The following HS1BP3 variants were observed in gnomAD, a reference collection of about 807,000 sequenced individuals.
HS1BP3 encodes HCLS1-binding protein 3.
Under a neutral mutation model 33.5 loss-of-function variants are expected in HS1BP3, and 32 were observed. The ratio of observed to expected loss-of-function variants is 0.95; its 90% CI spans 0.72 to 1.28. HS1BP3 has a LOEUF of 1.28. Ranked by LOEUF, HS1BP3 falls within the 50% of genes most tolerant of loss-of-function variation. The pLI, the probability that HS1BP3 is intolerant of heterozygous loss-of-function variation, is 0.00. For missense variants in HS1BP3, 486 were observed against 502.3 expected (o/e 0.97, Z 0.31); for synonymous variants, 187 against 209.2 (o/e 0.89, Z 0.92).
rs1286097161 is a variant in HS1BP3, at chr2:20,618,071, A to C, written c.*916T>G. ...AGAATCATGCCCCACTGGCAGTGGG[A>C]GGCGGTGCAGGCTGGGAGCCCTGCC... On this transcript the variant is annotated 3_prime_UTR_variant, in exon 7 of 7. Coordinates refer to ENST00000304031, the MANE Select transcript of HS1BP3 (RefSeq NM_022460.4). 2.0e-5 allele frequency: 3 copies of C among 152,376 alleles called. No individual in the cohort carries two copies. Among genetic ancestry groups the C allele is most frequent in the Non-Finnish European group, 4.4e-5 (3 of 68,090 alleles). The allele number at this position is 152,376 out of a possible 1,614,324, so 9.4% of individuals were successfully genotyped here.
At chr2:20,582,126 C>T (rs974595082) in intron 5 of HS1BP3, among the ~76,000 whole-genome samples, 30 of 152,212 alleles carry the variant, frequency 2.0e-4, no homozygotes, top group Admixed American at 4.6e-4. Context: ...AATAAGTCAC[C>T]GGTGCCCCCA....
At chr2:20,557,372 C>A (rs572990634), downstream of HS1BP3, among the ~76,000 whole-genome samples, 3 of 152,190 alleles carry the variant, frequency 2.0e-5, no homozygotes, top group Non-Finnish European at 4.4e-5. Flanking sequence ...ATGATGACGG[C>A]TGGGCCTCCT....
chr2:20,572,589 G>A (rs1339174603), intron 5 of HS1BP3, among the ~76,000 whole-genome samples: 1 of 151,918 alleles, frequency 6.6e-6, no homozygotes, highest in Non-Finnish European at 1.5e-5. Context: ...TTGAGCCTCA[G>A]TATCCTTATC....
intron 2 of HS1BP3, among the ~76,000 whole-genome samples, chr2:20,604,083 G>A (rs1409941276): frequency 6.6e-6 from 1 of 152,144 alleles, no homozygotes; most frequent in East Asian, 1.9e-4. Flanking sequence ...TTCCCTTTTT[G>A]GAAATTAACA....
At chr2:20,624,380 C>T (rs1350228174) in intron 5 of HS1BP3, among the ~76,000 whole-genome samples, 1 of 152,102 alleles carries the variant, frequency 6.6e-6, no homozygotes, top group Non-Finnish European at 1.5e-5. Context: ...GGAAAGGGAC[C>T]AAGGGATGAG....
chr2:20,574,444 A>T (rs577882345), intron 5 of HS1BP3, among the ~76,000 whole-genome samples: 7 of 152,344 alleles, frequency 4.6e-5, no homozygotes, highest in African/African-American at 9.6e-5. Flanking sequence ...CAAGTGTCTT[A>T]TCCATGGCTG....
downstream of HS1BP3, among the ~76,000 whole-genome samples, chr2:20,615,708 C>G (rs567597290): frequency 5.9e-5 from 9 of 152,176 alleles, no homozygotes; most frequent in South Asian, 2.1e-4. Flanking sequence ...AGCCTGACAC[C>G]GGGTATTAAA....
At chr2:20,577,022 G>GA (rs1338823352) in intron 5 of HS1BP3, among the ~76,000 whole-genome samples, 1 of 152,162 alleles carries the variant, frequency 6.6e-6, no homozygotes, top group Non-Finnish European at 1.5e-5. Context: ...ATTTACCTGG[G>GA]AAGAGTATTT....
At chr2:20,623,735 C>T (rs1306271577) in intron 6 of HS1BP3, 161 bp downstream of exon 6, 3 of 762,636 alleles carry the variant, frequency 3.9e-6, no homozygotes, top group Non-Finnish European at 3.9e-6. Context: ...GCCCCCTTCA[C>T]CGCCTCTCAC....
intron 2 of HS1BP3, among the ~76,000 whole-genome samples, chr2:20,600,263 T>C (rs1006236742): frequency 1.3e-5 from 2 of 152,164 alleles, no homozygotes; most frequent in African/African-American, 2.4e-5. Context: ...CCAATCACTA[T>C]GACAACAGCT....
rs568361887 is a variant in HS1BP3 at position 20,567,967 on chromosome 2, T to C, written c.303-7452A>G. On this transcript the variant is annotated intron_variant, in intron 5 of 5. Coordinates refer to the HS1BP3 transcript ENST00000446825. ...CTCTGGAGGTCATTTGAACAGTCAGTCCCCTAGGAGGGCAGCTCCAGCCCC... is the reference window on the plus strand; with the variant it reads ...CTCTGGAGGTCATTTGAACAGTCAGCCCCCTAGGAGGGCAGCTCCAGCCCC... Among the ~76,000 whole-genome samples, 46 of 152,156 alleles carry C rather than the reference T, an allele frequency of 3.0e-4. No individual in the cohort carries two copies. The East Asian group carries it at 7.7e-3, about 26-fold the overall frequency.
At chr2:20,596,880 C>G (rs1258490869) in intron 3 of HS1BP3, among the ~76,000 whole-genome samples, 2 of 152,188 alleles carry the variant, frequency 1.3e-5, no homozygotes, top group African/African-American at 2.4e-5. Flanking sequence ...CATAGGTACC[C>G]CATCAGAATC....
intron 2 of HS1BP3, among the ~76,000 whole-genome samples, chr2:20,603,627 C>G (rs1222677922): frequency 6.6e-6 from 1 of 152,146 alleles, no homozygotes; most frequent in African/African-American, 2.4e-5. Context: ...TATAGAGTTT[C>G]TTTTAGAAGT....
At chr2:20,603,233 T>C (rs998563805) in intron 2 of HS1BP3, among the ~76,000 whole-genome samples, 2 of 152,198 alleles carry the variant, frequency 1.3e-5, no homozygotes, top group Non-Finnish European at 2.9e-5. Context: ...TAGGTATATG[T>C]CCAAGAGAAA....
intron 3 of HS1BP3, chr2:20,640,132 G>A (rs1293336927): frequency 6.6e-6 from 1 of 152,310 alleles, no homozygotes; most frequent in African/African-American, 2.4e-5. Context: ...AAGGAGTTAA[G>A]CAGACGGATG....
chr2:20,585,139 C>T (rs62124225), intron 5 of HS1BP3, among the ~76,000 whole-genome samples: 11,830 of 152,132 alleles, frequency 0.078, 637 homozygotes, highest in African/African-American at 0.15. Context: ...CTGAGGAGCT[C>T]AGCCCCTCCT....
At chr2:20,623,782 C>T in intron 6 of HS1BP3, 114 bp downstream of exon 6, 1 of 1,253,718 alleles carries the variant, frequency 8.0e-7, no homozygotes, top group Non-Finnish European at 1.1e-6. Flanking sequence ...TTTCACAGGC[C>T]TGGGGTCCTC....
rs539654932 is a variant in HS1BP3 at position 20,650,966 on chromosome 2, C to G, written c.32+66G>C. ...TGGCCTAGGAGGCGGCGGCCTCCCC[C>G]CGCCTCTCCGCCCGGGCGCCCCGGA... On this transcript the variant is annotated intron_variant, in intron 1 of 6. Transcript: ENST00000304031. 12 of 1,213,140 alleles carry G rather than the reference C, an allele frequency of 9.9e-6. No homozygotes were observed. The African/African-American group carries it at 1.1e-4, about 11-fold the overall frequency. 75.1% of individuals were successfully genotyped at this position (1,213,140 alleles called of 1,614,324 possible). A position where few individuals can be genotyped will look rare whatever the true frequency, so the allele number is the denominator to read the frequency against.
intron 4 of HS1BP3, chr2:20,636,735 T>C (rs1252735507): frequency 6.6e-6 from 1 of 152,262 alleles, no homozygotes; most frequent in Non-Finnish European, 1.5e-5. Context: ...GCGTACCATA[T>C]AGTTTTTACT....
Sources: allele counts gnomAD v4.1 joint callset (sites outside exome capture counted in the v4.1 genomes callset), GRCh38; gene constraint gnomAD v4.1.1; transcripts MANE v1.5; gene names NCBI Gene and HGNC (gene_info 2026-07-23, HGNC 2026-07-21).